NLGN1: variants seen among roughly 807,000 people sequenced by gnomAD.
The protein encoded by NLGN1 is neuroligin-1.
In NLGN1, 12 loss-of-function variants were observed where a neutral mutation model predicts 65.5. The ratio of observed to expected loss-of-function variants is 0.18; its 90% CI spans 0.12 to 0.30. The LOEUF (loss-of-function observed/expected upper bound fraction) is 0.30. Ranked by LOEUF, NLGN1 falls within the 10% of genes least tolerant of loss-of-function variation. NLGN1 has a pLI of 1.00. For missense variants in NLGN1, 750 were observed against 1,007.1 expected, an observed-to-expected ratio of 0.74 and a Z score of 3.46; for synonymous variants, 350 against 359.5, an observed-to-expected ratio of 0.97 and a Z score of 0.30.
chr3:173,929,083 G>A (rs2152280944), intron 4 of NLGN1, among the ~76,000 whole-genome samples: 1 of 152,208 alleles, frequency 6.6e-6, no homozygotes, highest in Non-Finnish European at 1.5e-5. Context: ...TAGTGAAATA[G>A]GTTCTATGTA....
intron 4 of NLGN1, among the ~76,000 whole-genome samples, chr3:174,027,474 A>G (rs1729080249): frequency 1.3e-5 from 2 of 152,174 alleles, no homozygotes; most frequent in East Asian, 1.9e-4. Context: ...CAGGTCCACA[A>G]TCTCTTTGGT....
intron 4 of NLGN1, among the ~76,000 whole-genome samples, chr3:173,977,343 C>A (rs892470744): frequency 6.6e-6 from 1 of 151,756 alleles, no homozygotes; most frequent in East Asian, 1.9e-4. Flanking sequence ...GGGGGAAGGG[C>A]ACGTGCATAA....
intron 2 of NLGN1, among the ~76,000 whole-genome samples, chr3:173,510,654 C>T (rs1366553585): frequency 2.0e-5 from 3 of 152,176 alleles, no homozygotes; most frequent in Non-Finnish European, 4.4e-5. Flanking sequence ...TTTTGTCATA[C>T]TGCTGAATAA....
intron 4 of NLGN1, among the ~76,000 whole-genome samples, chr3:173,861,570 A>G (rs1166127656): frequency 1.3e-5 from 2 of 150,496 alleles, no homozygotes; most frequent in Non-Finnish European, 3.0e-5. Flanking sequence ...ATACACACAC[A>G]CATATATATA....
At chr3:173,891,927 A>G (rs114867915) in intron 4 of NLGN1, among the ~76,000 whole-genome samples, 7 of 148,698 alleles carry the variant, frequency 4.7e-5, no homozygotes, top group Non-Finnish European at 7.4e-5. Flanking sequence ...TGAATATGCA[A>G]GAAAGTGCAC....
At chr3:174,080,892 A>G (rs898465939) in intron 4 of NLGN1, among the ~76,000 whole-genome samples, 21 of 148,088 alleles carry the variant, frequency 1.4e-4, no homozygotes, top group African/African-American at 4.9e-4. Flanking sequence ...CCTAACCATC[A>G]TTTGAATTTG....
At chr3:174,141,220 G>T (rs1384449915) in intron 4 of NLGN1, among the ~76,000 whole-genome samples, 1 of 151,956 alleles carries the variant, frequency 6.6e-6, no homozygotes, top group African/African-American at 2.4e-5. Context: ...TAAAATGCAA[G>T]CAAATCATTT....
chr3:173,861,423 G>C (rs1729045417), intron 4 of NLGN1, among the ~76,000 whole-genome samples: 1 of 151,556 alleles, frequency 6.6e-6, no homozygotes. Context: ...TGGAAAGAAG[G>C]ATGAAACAGT....
At chr3:173,910,273 A>C (rs974483639) in intron 4 of NLGN1, among the ~76,000 whole-genome samples, 1 of 152,188 alleles carries the variant, frequency 6.6e-6, no homozygotes, top group Non-Finnish European at 1.5e-5. Flanking sequence ...AATTATAACA[A>C]GCCTTTTGAT....
intron 2 of NLGN1, among the ~76,000 whole-genome samples, chr3:173,457,365 A>C (rs570191732): frequency 6.6e-6 from 1 of 152,104 alleles, no homozygotes; most frequent in Non-Finnish European, 1.5e-5. Context: ...ACATAAGTGT[A>C]GGGGGTGATA....
chr3:173,449,369 G>A (rs1490890894), intron 2 of NLGN1, among the ~76,000 whole-genome samples: 20 of 152,108 alleles, frequency 1.3e-4, no homozygotes, highest in East Asian at 3.9e-4. Context: ...GTAGTTGAGC[G>A]GTTTTGAGTG....
intron 3 of NLGN1, among the ~76,000 whole-genome samples, chr3:173,668,209 A>G (rs1761977052): frequency 1.3e-5 from 2 of 152,168 alleles, no homozygotes; most frequent in South Asian, 4.1e-4. Context: ...GGGAGAATCT[A>G]ACTAGACTTC....
At chr3:174,226,270 T>A (rs1487947287) in intron 4 of NLGN1, among the ~76,000 whole-genome samples, 5 of 152,044 alleles carry the variant, frequency 3.3e-5, no homozygotes, top group Non-Finnish European at 1.5e-5. Context: ...GAGCAAGAGG[T>A]AGACCATTAG....
At chr3:173,455,076 C>T (rs1371917565) in intron 2 of NLGN1, among the ~76,000 whole-genome samples, 1 of 152,154 alleles carries the variant, frequency 6.6e-6, no homozygotes, top group Non-Finnish European at 1.5e-5. Flanking sequence ...TAGATGGCTG[C>T]AGTTCACAGC....
At chr3:173,411,892 G>A (rs1341090121) in intron 1 of NLGN1, among the ~76,000 whole-genome samples, 2 of 152,008 alleles carry the variant, frequency 1.3e-5, no homozygotes, top group African/African-American at 4.8e-5. Flanking sequence ...AAGCAGTGAC[G>A]AAGCTGACAG....
Position 173,852,008 on chromosome 3 carries a change from C to G in NLGN1, c.646+44176C>G, listed in dbSNP as rs529646548. Among the ~76,000 whole-genome samples the G allele has an allele frequency of 7.3e-5, 11 of 151,516 alleles. No homozygotes were observed. In the South Asian group the frequency reaches 2.1e-3, roughly 29 times the overall value. On this transcript the variant is annotated intron_variant, in intron 4 of 6. Coordinates refer to ENST00000457714, the Ensembl canonical transcript of NLGN1. ...CTGTTTATGTGGGGCTTAAAACATA[C>G]AATTTGAGGAACCTCTTTAAGCAAA...
intron 3 of NLGN1, among the ~76,000 whole-genome samples, chr3:173,799,695 T>G (rs1048854986): frequency 6.6e-6 from 1 of 151,892 alleles, no homozygotes; most frequent in Non-Finnish European, 1.5e-5. Context: ...AATATTTAAA[T>G]GAAAACACAT....
rs137913344 is a variant in NLGN1 at position 173,553,346 on chromosome 3, A to G, written c.-320-50933A>G. On this transcript the variant is annotated intron_variant, in intron 2 of 6. Coordinates refer to ENST00000457714, the Ensembl canonical transcript of NLGN1. ...AATATATGAAGGGTTGTCCACTAGA[A>G]TAGGAATGGCAATTACTCTTTATAG... is the stretch of plus-strand genomic sequence containing the variant. Among the ~76,000 whole-genome samples, 149 of 152,346 alleles carry G rather than the reference A, an allele frequency of 9.8e-4. 1 individual carries two copies. The highest frequency in any genetic ancestry group is 6.8e-3 in the Middle Eastern group (2 of 294).
At chr3:173,968,269 GA>G (rs1715325145) in intron 4 of NLGN1, among the ~76,000 whole-genome samples, 1 of 152,104 alleles carries the variant, frequency 6.6e-6, no homozygotes, top group Admixed American at 6.5e-5. Context: ...TCACCCTGTA[GA>G]AAAGGAATAT....
Sources: allele counts gnomAD v4.1 joint callset (sites outside exome capture counted in the v4.1 genomes callset), GRCh38; gene constraint gnomAD v4.1.1; transcripts MANE v1.5; gene names NCBI Gene and HGNC (gene_info 2026-07-23, HGNC 2026-07-21).